Variants in DPP6 observed in about 807,000 individuals in gnomAD.
DPP6 encodes the protein A-type potassium channel modulatory protein DPP6.
A neutral mutation model predicts 122.6 loss-of-function variants in DPP6; 69 were observed. The observed-to-expected ratio is 0.56, with a 90% CI of 0.46 to 0.69. DPP6 has a LOEUF of 0.69. Among genes scored for constraint, DPP6 ranks in the 30% least tolerant of loss-of-function variants. The pLI, the probability that DPP6 is intolerant of heterozygous loss-of-function variation, is 0.00. For missense variants in DPP6, 928 were observed against 1,116.9 expected, an observed-to-expected ratio of 0.83 and a Z score of 2.41; for synonymous variants, 418 against 433.1, an observed-to-expected ratio of 0.97 and a Z score of 0.43.
At chr7:153,917,659 A>G (rs2129006114) in intron 1 of DPP6, among the ~76,000 whole-genome samples, 1 of 152,302 alleles carries the variant, frequency 6.6e-6, no homozygotes, top group South Asian at 2.1e-4. Context: ...TTAAAAACAA[A>G]CGTTTACAGC....
chr7:154,793,559 T>C (rs908147218), intron 10 of DPP6: 17 of 152,370 alleles, frequency 1.1e-4, no homozygotes, highest in African/African-American at 4.1e-4. Flanking sequence ...CCCTGGGTAT[T>C]TTATCTTTAA....
chr7:153,916,569 C>T (rs1188105128), intron 1 of DPP6, among the ~76,000 whole-genome samples: 2 of 151,686 alleles, frequency 1.3e-5, no homozygotes, highest in Non-Finnish European at 2.9e-5. Flanking sequence ...CCATCACGCC[C>T]AGCTAATTTT....
the DPP6 span, among the ~76,000 whole-genome samples, chr7:153,806,639 A>G: frequency 6.6e-6 from 1 of 152,036 alleles, no homozygotes; most frequent in Non-Finnish European, 1.5e-5. Flanking sequence ...ATGTCTCATC[A>G]TTCCTGTACA....
At chr7:153,771,770 G>A in the DPP6 span, among the ~76,000 whole-genome samples, 1 of 152,100 alleles carries the variant, frequency 6.6e-6, no homozygotes. Context: ...AAAATGTATT[G>A]CCAATAGACC....
chr7:153,860,591 T>C, the DPP6 span, among the ~76,000 whole-genome samples: 1 of 151,490 alleles, frequency 6.6e-6, no homozygotes, highest in African/African-American at 2.4e-5. Context: ...GCCTTCCCAA[T>C]GACAAGCCCC....
In DPP6 at chr7:154,602,592, T is replaced by G. The variant is rs888307226; in HGVS notation, c.628-35229T>G. Among the ~76,000 whole-genome samples the G allele has an allele frequency of 3.6e-4, 42 of 117,856 alleles. 6 individuals carry two copies. Among genetic ancestry groups the G allele is most frequent in the African/African-American group, 1.0e-3 (38 of 37,006 alleles). 77.3% of individuals were successfully genotyped at this position (117,856 alleles called of 152,430 possible). On this transcript the variant is annotated intron_variant, in intron 5 of 25. Coordinates refer to ENST00000377770, the MANE Select transcript of DPP6 (RefSeq NM_130797.4). The stretch of plus-strand genomic sequence containing the variant: ...GGCACCCACCATCATGCCTGGCTAA[T>G]TTTTTGTGTGTGTGTTTTTGTAGAG...
At position 154,872,682 on chromosome 7, in the gene DPP6, G is replaced by C; in HGVS notation, c.1872G>C (p.Leu624=). Residue 624 remains leucine, a synonymous_variant, in exon 19 of 26, where the codon CTG becomes CTC. Transcript: ENST00000377770. ...TCACCGACACCACCCACTACCCTCT[G>C]CTCCTGGTGGTGTAAGTATCGTCAC... ...ATFTDTTHYP[L]LLVVDGTPGS... 6.3e-7 allele frequency: 1 copy of C among 1,597,052 alleles called. No homozygotes were observed. The highest frequency in any genetic ancestry group is 8.5e-7 in the Non-Finnish European group (1 of 1,171,970).
intron 11 of DPP6, 114 bp downstream of exon 11, chr7:154,794,316 G>T: frequency 7.3e-7 from 1 of 1,370,840 alleles, no homozygotes; most frequent in Non-Finnish European, 9.5e-7. Flanking sequence ...GGGACCGGCC[G>T]CCCAGCTGCT....
In DPP6 at chr7:154,633,038, G is replaced by A. The variant is rs748118141; in HGVS notation, c.628-4783G>A. On this transcript the variant is annotated intron_variant, in intron 5 of 25. Coordinates refer to ENST00000377770, the MANE Select transcript of DPP6 (RefSeq NM_130797.4). ...TTGTGGATAGTGTTTTGGGAAATAA[G>A]TTCTCCTTTATTCATTTTCCAGGAG... is the stretch of plus-strand genomic sequence containing the variant. Among the ~76,000 whole-genome samples the A allele has an allele frequency of 7.4e-4, 113 of 152,240 alleles. 1 individual carries two copies. Among genetic ancestry groups the A allele is most frequent in the South Asian group, 2.7e-3 (13 of 4,818 alleles).
chr7:154,847,952 T>C (rs1295060612), intron 16 of DPP6, among the ~76,000 whole-genome samples: 2 of 152,248 alleles, frequency 1.3e-5, no homozygotes, highest in Non-Finnish European at 2.9e-5. Context: ...CTTATTTCAC[T>C]TAGCGTAATG....
At chr7:154,296,800 T>C (rs1341929336) in intron 1 of DPP6, among the ~76,000 whole-genome samples, 1 of 152,240 alleles carries the variant, frequency 6.6e-6, no homozygotes, top group Non-Finnish European at 1.5e-5. Flanking sequence ...GCTTTCAGCA[T>C]TTCCCCAATC....
At chr7:154,413,126 G>A (rs572018467) in intron 1 of DPP6, among the ~76,000 whole-genome samples, 1 of 152,148 alleles carries the variant, frequency 6.6e-6, no homozygotes, top group African/African-American at 2.4e-5. Context: ...TGAGAGACAC[G>A]CTGCCCTAAA....
chr7:153,867,432 C>T, the DPP6 span, among the ~76,000 whole-genome samples: 1 of 152,134 alleles, frequency 6.6e-6, no homozygotes, highest in Non-Finnish European at 1.5e-5. Context: ...GGAGTTCACT[C>T]ATGATTTGGC....
At chr7:153,779,243 G>A in the DPP6 span, among the ~76,000 whole-genome samples, 2 of 146,692 alleles carry the variant, frequency 1.4e-5, no homozygotes, top group Non-Finnish European at 3.0e-5. Context: ...GAAAATTCAA[G>A]ATAAGCATGA....
In DPP6 at chr7:154,862,942, C is replaced by T. The variant is rs566238507; in HGVS notation, c.1715-5053C>T. On this transcript the variant is annotated intron_variant, in intron 17 of 25. Transcript: ENST00000377770. ...AAGAGGCTGGGTGCTGTGGCTCACACCTGTAATCCCACGAAGGTGGGAGGA... is the reference window on the plus strand; with the variant it reads ...AAGAGGCTGGGTGCTGTGGCTCACATCTGTAATCCCACGAAGGTGGGAGGA... Among the ~76,000 whole-genome samples the T allele has an allele frequency of 2.6e-5, 4 of 152,368 alleles. No individual in the cohort carries two copies. The South Asian group carries it at 6.2e-4, about 24-fold the overall frequency.
intron 5 of DPP6, among the ~76,000 whole-genome samples, chr7:154,568,275 T>TTAGC (rs1418900486): frequency 1.3e-5 from 2 of 152,228 alleles, no homozygotes; most frequent in Non-Finnish European, 2.9e-5. Flanking sequence ...AAGAAAAATG[T>TTAGC]TAGCAGATAT....
At chr7:154,838,131 C>G (rs371760878) in intron 16 of DPP6, among the ~76,000 whole-genome samples, 5 of 152,142 alleles carry the variant, frequency 3.3e-5, no homozygotes, top group Non-Finnish European at 7.3e-5. Context: ...GACAGGAATA[C>G]AAGGAGAAAA....
At position 154,613,485 on chromosome 7, in the gene DPP6, G is replaced by T. The variant is rs1834033803; in HGVS notation, c.628-24336G>T. ...AAATACAAAATTAGCCAGGCATGGT[G>T]GTGCATGCCTGTAATCCCAGCTACT... On this transcript the variant is annotated intron_variant, in intron 5 of 25. Coordinates refer to ENST00000377770, the MANE Select transcript of DPP6 (RefSeq NM_130797.4). Among the ~76,000 whole-genome samples, 4 of 151,828 alleles carry T rather than the reference G, an allele frequency of 2.6e-5. No homozygotes were observed. In the South Asian group the frequency reaches 8.3e-4, roughly 32 times the overall value.
At chr7:154,372,198 A>G (rs1812734071) in intron 1 of DPP6, among the ~76,000 whole-genome samples, 1 of 152,132 alleles carries the variant, frequency 6.6e-6, no homozygotes, top group African/African-American at 2.4e-5. Context: ...AATGGTTTGG[A>G]GGATCCTGGG....
Sources: gnomAD v4.1 joint callset for allele counts (sites outside exome capture counted in the v4.1 genomes callset) on GRCh38, gnomAD v4.1.1 for gene constraint, MANE v1.5 for transcripts, NCBI Gene and HGNC (gene_info 2026-07-23, HGNC 2026-07-21) for gene names.